CSMD3: variants seen among roughly 807,000 people sequenced by gnomAD.
CSMD3 encodes CUB and sushi domain-containing protein 3.
A neutral mutation model predicts 435.2 loss-of-function variants in CSMD3; 177 were observed. The observed-to-expected ratio is 0.41, with a 90% confidence interval of 0.36 to 0.46. The LOEUF (loss-of-function observed/expected upper bound fraction) is 0.46. CSMD3 is among the 20% of genes least tolerant of loss of function. The pLI is 0.34. For missense variants in CSMD3, 4,265 were observed against 4,504.6 expected (o/e 0.95, Z 1.52); for synonymous variants, 1,656 against 1,520.5 (o/e 1.09, Z -2.07).
At chr8:113,378,401 T>C (rs1027649129) in intron 1 of CSMD3, among the ~76,000 whole-genome samples, 2 of 152,220 alleles carry the variant, frequency 1.3e-5, no homozygotes, top group Admixed American at 1.3e-4. Context: ...AGATATAGTC[T>C]AGTTGAGGAG....
chr8:112,589,016 G>A (rs1052980728), intron 22 of CSMD3, among the ~76,000 whole-genome samples: 9 of 152,070 alleles, frequency 5.9e-5, no homozygotes, highest in Non-Finnish European at 1.3e-4. Flanking sequence ...TTATTTAGAA[G>A]AGAATGCAAA....
rs1262048787 is a variant in CSMD3 at position 112,337,659 on chromosome 8, A to G, written c.6725T>C (p.Val2242Ala). Residue 2242 changes from valine (V) to alanine (A), a missense_variant, in exon 43 of 71, where the codon GTG becomes GCG. Coordinates refer to ENST00000297405, the MANE Select transcript of CSMD3 (RefSeq NM_198123.2). ...NGFVIGNDFTVGQTISFECFP... is the reference protein window; with the variant it reads ...NGFVIGNDFTAGQTISFECFP... ...ACATTCAAATGAAATGGTTTGACCCACAGTAAAATCATTACCAATTACAAA... is the reference window on the plus strand; with the variant it reads ...ACATTCAAATGAAATGGTTTGACCCGCAGTAAAATCATTACCAATTACAAA... The G allele has an allele frequency of 6.2e-7, 1 of 1,613,346 alleles. No homozygotes were observed. Among genetic ancestry groups the G allele is most frequent in the Non-Finnish European group, 8.5e-7 (1 of 1,179,404 alleles).
chr8:112,438,976 C>G (rs1212837442), intron 32 of CSMD3, among the ~76,000 whole-genome samples: 1 of 152,126 alleles, frequency 6.6e-6, no homozygotes, highest in African/African-American at 2.4e-5. Flanking sequence ...GTCTTGTACT[C>G]TTGCTAATTT....
chr8:112,719,086 C>T (rs2076798915), intron 13 of CSMD3, among the ~76,000 whole-genome samples: 1 of 152,020 alleles, frequency 6.6e-6, no homozygotes, highest in African/African-American at 2.4e-5. Context: ...TTATATCAAA[C>T]TTCATGTAAA....
intron 4 of CSMD3, among the ~76,000 whole-genome samples, chr8:113,171,182 G>A (rs1450306596): frequency 6.6e-6 from 1 of 151,892 alleles, no homozygotes; most frequent in African/African-American, 2.4e-5. Flanking sequence ...GTAATAAATT[G>A]GTATGTAACT....
At position 112,652,007 on chromosome 8, in the gene CSMD3, A is replaced by G. The variant is rs1376795854; in HGVS notation, c.3005-1658T>C. Among the ~76,000 whole-genome samples the G allele has an allele frequency of 2.0e-5, 3 of 152,162 alleles. No homozygotes were observed. The East Asian group carries it at 5.8e-4, about 29-fold the overall frequency. On this transcript the variant is annotated intron_variant, in intron 18 of 70. Transcript: ENST00000297405. ...TATGAAACAAACAATAACATTTAGC[A>G]TGTTTTTCAGTATCTTTCATCTCCA...
chr8:113,065,448 G>A lies in CSMD3; in HGVS notation c.917+33308C>T, dbSNP rs185140534. 3.4e-3 allele frequency among the ~76,000 whole-genome samples: 524 copies of A among 152,070 alleles called. 2 individuals are homozygous for A. The highest frequency in any genetic ancestry group is 0.012 in the African/African-American group (505 of 41,488). On this transcript the variant is annotated intron_variant, in intron 5 of 70. Coordinates refer to ENST00000297405, the MANE Select transcript of CSMD3 (RefSeq NM_198123.2). ...GTCGCCCAGGATGGAGTGCAGTGGC[G>A]CGATCTCGGTTCACTGCCAGCTCCG...
chr8:113,245,060 G>T (rs568741968), intron 3 of CSMD3, among the ~76,000 whole-genome samples: 3 of 151,930 alleles, frequency 2.0e-5, no homozygotes, highest in Admixed American at 6.6e-5. Flanking sequence ...AACAGTTATC[G>T]TCTTAAAGCT....
chr8:113,237,123 T>A (rs1029614006), intron 3 of CSMD3, among the ~76,000 whole-genome samples: 3 of 152,212 alleles, frequency 2.0e-5, no homozygotes, highest in Non-Finnish European at 4.4e-5. Flanking sequence ...TCATCCCTTT[T>A]GTCCAAATCA....
chr8:112,713,261 G>A (rs2076648890), intron 13 of CSMD3, among the ~76,000 whole-genome samples: 1 of 151,910 alleles, frequency 6.6e-6, no homozygotes, highest in South Asian at 2.1e-4. Flanking sequence ...TCCCACTCGT[G>A]AGCCCAAATA....
intron 10 of CSMD3, among the ~76,000 whole-genome samples, chr8:112,913,876 A>G (rs1413761531): frequency 1.3e-5 from 2 of 151,788 alleles, no homozygotes; most frequent in Admixed American, 1.3e-4. Flanking sequence ...GTGGTTCCTT[A>G]ATCGTCTTTG....
chr8:112,512,047 T>C (rs1383321028), intron 28 of CSMD3, among the ~76,000 whole-genome samples: 1 of 152,182 alleles, frequency 6.6e-6, no homozygotes, highest in Non-Finnish European at 1.5e-5. Flanking sequence ...TTCTACCACA[T>C]CTGCAGTTTC....
At chr8:113,147,075 C>A (rs2131760155) in intron 4 of CSMD3, among the ~76,000 whole-genome samples, 1 of 151,694 alleles carries the variant, frequency 6.6e-6, no homozygotes, top group Admixed American at 6.6e-5. Context: ...ATTTTATGGC[C>A]TTAGCAGCCT....
chr8:112,837,884 T>C (rs2080073832), intron 11 of CSMD3, among the ~76,000 whole-genome samples: 1 of 151,814 alleles, frequency 6.6e-6, no homozygotes. Context: ...AATTACAAAA[T>C]ATAAAAACTT....
At chr8:113,399,871 T>C (rs533705230) in intron 1 of CSMD3, among the ~76,000 whole-genome samples, 1 of 152,008 alleles carries the variant, frequency 6.6e-6, no homozygotes, top group South Asian at 2.1e-4. Context: ...TTAGATACAA[T>C]GAAAAGTGAT....
intron 27 of CSMD3, among the ~76,000 whole-genome samples, chr8:112,519,311 C>T (rs1824035192): frequency 6.6e-6 from 1 of 152,144 alleles, no homozygotes; most frequent in Non-Finnish European, 1.5e-5. Context: ...ACCTTGTTGT[C>T]TCACTCGTAA....
intron 38 of CSMD3, among the ~76,000 whole-genome samples, chr8:112,373,544 T>G (rs1828651756): frequency 2.0e-5 from 1 of 49,472 alleles, no homozygotes; most frequent in Non-Finnish European, 3.8e-5. Flanking sequence ...CTTATTTACA[T>G]GCATTAAAAA....
intron 13 of CSMD3, among the ~76,000 whole-genome samples, chr8:112,712,149 C>A (rs2076623674): frequency 6.6e-6 from 1 of 152,160 alleles, no homozygotes; most frequent in Non-Finnish European, 1.5e-5. Flanking sequence ...GTGCCACTCT[C>A]ATCTACCACC....
chr8:112,277,788 G>A (rs898212531), intron 59 of CSMD3, among the ~76,000 whole-genome samples: 6 of 152,282 alleles, frequency 3.9e-5, no homozygotes, highest in African/African-American at 1.4e-4. Flanking sequence ...ACAGTCAAGA[G>A]AGAATGAGAA....
Sources: gnomAD v4.1 joint callset for allele counts (sites outside exome capture counted in the v4.1 genomes callset) on GRCh38, gnomAD v4.1.1 for gene constraint, MANE v1.5 for transcripts, NCBI Gene and HGNC (gene_info 2026-07-23, HGNC 2026-07-21) for gene names.